The following PLEKHA7 variants were observed in gnomAD, a reference collection of about 807,000 sequenced individuals.
PLEKHA7 encodes pleckstrin homology domain containing A7.
In PLEKHA7, 104 loss-of-function variants were observed where a neutral mutation model predicts 170.0. The ratio of observed to expected loss-of-function variants is 0.61; its 90% confidence interval spans 0.52 to 0.72. PLEKHA7 has a LOEUF of 0.72. PLEKHA7 is among the 30% of genes least tolerant of loss of function. The pLI is 0.00. For synonymous variants in PLEKHA7, 648 were observed against 660.8 expected (o/e 0.98, Z 0.30); for missense variants, 1,615 against 1,671.7 (o/e 0.97, Z 0.59).
Position 16,818,929 on chromosome 11 carries a change from G to A in PLEKHA7, c.1344-1607C>T, listed in dbSNP as rs952450495. ...AGTGATTCTCCTGCCTCAGCCTCCT[G>A]AGTAGCTGGGACTACAGGCGTGTGC... On this transcript the variant is annotated intron_variant, in intron 10 of 26. Transcript: ENST00000531066. 7.0e-4 allele frequency among the ~76,000 whole-genome samples: 106 copies of A among 151,128 alleles called. 1 individual carries two copies. The highest frequency in any genetic ancestry group is 1.8e-4 in the Non-Finnish European group (12 of 67,872).
chr11:16,873,964 G>A (rs2135709621), intron 3 of PLEKHA7, among the ~76,000 whole-genome samples: 1 of 152,228 alleles, frequency 6.6e-6, no homozygotes, highest in South Asian at 2.1e-4. Context: ...ACCACTCCTG[G>A]CCCAGCTTTT....
At chr11:16,989,557 C>A (rs1463146580) in intron 3 of PLEKHA7, among the ~76,000 whole-genome samples, 1 of 152,212 alleles carries the variant, frequency 6.6e-6, no homozygotes, top group South Asian at 2.1e-4. Context: ...AAGTTCCACA[C>A]CACAGCTCTA....
intron 3 of PLEKHA7, among the ~76,000 whole-genome samples, chr11:16,890,004 T>G (rs1034711607): frequency 6.6e-6 from 1 of 152,150 alleles, no homozygotes; most frequent in Non-Finnish European, 1.5e-5. Context: ...ATTTCCAGTC[T>G]TCTTAAAGAA....
At chr11:16,958,357 G>A (rs1198677098) in intron 3 of PLEKHA7, among the ~76,000 whole-genome samples, 1 of 151,298 alleles carries the variant, frequency 6.6e-6, no homozygotes, top group East Asian at 1.9e-4. Flanking sequence ...ACGCTTCAGA[G>A]GAAAACTTTG....
intron 23 of PLEKHA7, chr11:16,787,277 A>G: frequency 1.0e-6 from 1 of 970,308 alleles, no homozygotes; most frequent in Non-Finnish European, 1.2e-6. Context: ...ATCCCAGGCC[A>G]TCTTCTCTCT....
intron 3 of PLEKHA7, among the ~76,000 whole-genome samples, chr11:16,958,582 C>A (rs1052818970): frequency 6.6e-6 from 1 of 152,140 alleles, no homozygotes; most frequent in Admixed American, 6.5e-5. Context: ...TGTGCTTTTC[C>A]TCTGTATTTC....
chr11:16,908,848 G>A (rs935811203), intron 3 of PLEKHA7, among the ~76,000 whole-genome samples: 2 of 152,118 alleles, frequency 1.3e-5, no homozygotes, highest in Admixed American at 6.5e-5. Flanking sequence ...ATTTTGTAAC[G>A]CCAGCCCTAG....
chr11:16,803,128 C>G (rs1466680020), intron 14 of PLEKHA7, 76 bp from the exon 15 acceptor site: 1 of 1,564,884 alleles, frequency 6.4e-7, no homozygotes, highest in African/African-American at 1.4e-5. Flanking sequence ...ATCAGACAGC[C>G]TTTGGCTACA....
At chr11:17,014,267 C>T (rs1865535478) in intron 1 of PLEKHA7, 49 bp downstream of exon 1, 1 of 1,397,514 alleles carries the variant, frequency 7.2e-7, no homozygotes. Flanking sequence ...CGGCCCCCGC[C>T]CCCGCGCCCC....
At chr11:16,901,221 A>T (rs1015978365) in intron 3 of PLEKHA7, among the ~76,000 whole-genome samples, 1 of 152,216 alleles carries the variant, frequency 6.6e-6, no homozygotes, top group African/African-American at 2.4e-5. Context: ...TATAAAAAAT[A>T]ATATATACTC....
intron 3 of PLEKHA7, among the ~76,000 whole-genome samples, chr11:16,981,773 C>T (rs990199173): frequency 6.6e-6 from 1 of 152,126 alleles, no homozygotes; most frequent in Admixed American, 6.5e-5. Context: ...ATGCATTCTG[C>T]CAGAGCCCAG....
chr11:16,889,420 A>AAAAT (rs61086849), intron 3 of PLEKHA7, among the ~76,000 whole-genome samples: 178 of 74,628 alleles, frequency 2.4e-3, no homozygotes, highest in Non-Finnish European at 3.1e-3. Context: ...AAAAAAAAAA[A>AAAAT]ATATATATAT....
At chr11:16,840,533 C>T (rs979733886) in intron 9 of PLEKHA7, among the ~76,000 whole-genome samples, 1 of 152,174 alleles carries the variant, frequency 6.6e-6, no homozygotes, top group Non-Finnish European at 1.5e-5. Context: ...GCACTCCAGC[C>T]TGGGTGACAA....
chr11:16,835,285 G>A (rs950450545), intron 9 of PLEKHA7, among the ~76,000 whole-genome samples: 2 of 152,082 alleles, frequency 1.3e-5, no homozygotes, highest in African/African-American at 4.8e-5. Context: ...AAAAAAGTGA[G>A]AGTTGCAGTG....
At chr11:16,937,579 C>A (rs1160849282) in intron 3 of PLEKHA7, among the ~76,000 whole-genome samples, 5 of 151,624 alleles carry the variant, frequency 3.3e-5, no homozygotes, top group African/African-American at 1.2e-4. Context: ...AACTAGGAAG[C>A]ACTTAGCTAT....
chr11:16,783,351 G>A (rs1257854301), intron 25 of PLEKHA7, among the ~76,000 whole-genome samples: 2 of 152,218 alleles, frequency 1.3e-5, no homozygotes, highest in Admixed American at 6.5e-5. Context: ...GCACAGGCCC[G>A]AATGCTGGCA....
At chr11:16,823,635 A>T (rs941371848) in intron 10 of PLEKHA7, among the ~76,000 whole-genome samples, 1 of 152,008 alleles carries the variant, frequency 6.6e-6, no homozygotes, top group Non-Finnish European at 1.5e-5. Flanking sequence ...CACCATATCT[A>T]CCTATTAACC....
chr11:16,936,474 C>T (rs72865735), intron 3 of PLEKHA7, among the ~76,000 whole-genome samples: 2,815 of 130,274 alleles, frequency 0.022, 36 homozygotes, highest in Non-Finnish European at 0.034. Context: ...CAATTAAAAA[C>T]ACATGCCTAA....
intron 13 of PLEKHA7, among the ~76,000 whole-genome samples, chr11:16,812,696 A>C (rs932267209): frequency 6.6e-6 from 1 of 152,190 alleles, no homozygotes; most frequent in African/African-American, 2.4e-5. Flanking sequence ...ATGCGATTCC[A>C]TGTGGAGCCT....
Sources: gnomAD v4.1 joint callset for allele counts (sites outside exome capture counted in the v4.1 genomes callset) on GRCh38, gnomAD v4.1.1 for gene constraint, MANE v1.5 for transcripts, NCBI Gene and HGNC (gene_info 2026-07-23, HGNC 2026-07-21) for gene names.